Variants in ARHGEF15 observed in about 807,000 individuals in gnomAD.
ARHGEF15 encodes the protein Rho guanine nucleotide exchange factor (GEF) 15.
Under a neutral mutation model 79.7 loss-of-function variants are expected in ARHGEF15, and 58 were observed. The observed-to-expected ratio is 0.73, with a 90% confidence interval of 0.59 to 0.91. The LOEUF is 0.91. ARHGEF15 is among the 40% of genes least tolerant of loss of function. ARHGEF15 has a pLI of 0.00. For synonymous variants in ARHGEF15, 442 were observed against 456.0 expected, an observed-to-expected ratio of 0.97 and a Z score of 0.39; for missense variants, 1,012 against 1,108.1, an observed-to-expected ratio of 0.91 and a Z score of 1.23.
At position 8,315,304 on chromosome 17, in the gene ARHGEF15, G is replaced by C. The variant is rs1360091690; in HGVS notation, c.1260+27G>C. 5 of 1,611,090 alleles carry C rather than the reference G, an allele frequency of 3.1e-6. No homozygotes were observed. Among genetic ancestry groups the C allele is most frequent in the Non-Finnish European group, 4.2e-6 (5 of 1,178,822 alleles). On this transcript the variant is annotated intron_variant, in intron 6 of 15. Transcript: ENST00000361926. The surrounding 1 kb of genome is among the most constrained non-coding windows in gnomAD (Gnocchi z 4.3). ...TGGGAGCTGGAGGTGGGAGATGGGA[G>C]GGGGGTGCTGGGGTTGGGCTGCATG...
chr17:8,312,815 T>C, intron 2 of ARHGEF15, 107 bp from the exon 3 acceptor site: 1 of 1,555,302 alleles, frequency 6.4e-7, no homozygotes, highest in Non-Finnish European at 8.8e-7. Context: ...TATAGATGCC[T>C]GGACCTTGAT....
rs1905356859 is a variant in ARHGEF15 at position 8,321,018 on chromosome 17, T to A, written c.*25T>A. ...ATGCAGGCTGAGGAGGGGGCACATG[T>A]TGGGAGACACCTACCAGTGTGGCAC... is the stretch of plus-strand genomic sequence containing the variant. On this transcript the variant is annotated 3_prime_UTR_variant, in exon 16 of 16. Coordinates refer to ENST00000361926, the MANE Select transcript of ARHGEF15 (RefSeq NM_173728.4). 1.9e-6 allele frequency: 3 copies of A among 1,613,574 alleles called. No individual in the cohort carries two copies. Among genetic ancestry groups the A allele is most frequent in the Non-Finnish European group, 2.5e-6 (3 of 1,179,718 alleles).
In ARHGEF15 at chr17:8,313,267, G is replaced by A; in HGVS notation, c.934+13G>A. On this transcript the variant is annotated intron_variant, in intron 3 of 15. Transcript: ENST00000361926. Reference sequence around the variant, plus strand: ...GGAATCCAAACAGGTGCAGGGCCTGGGGGAGTGGACCTCTGGGCTGTGAGG... The same window carrying A: ...GGAATCCAAACAGGTGCAGGGCCTGAGGGAGTGGACCTCTGGGCTGTGAGG... 6.2e-7 allele frequency: 1 copy of A among 1,601,560 alleles called. No individual in the cohort carries two copies. The highest frequency in any genetic ancestry group is 8.5e-7 in the Non-Finnish European group (1 of 1,178,238).
Position 8,319,052 on chromosome 17 carries a change from C to T in ARHGEF15, c.2079C>T (p.Val693=). Residue 693 remains valine (V), a synonymous_variant, in exon 13 of 16, where the codon GTC becomes GTT. Transcript: ENST00000361926. ...QVLDYAHRSL[V]QAQQVPDPSG... is the part of the protein sequence containing the mutation. The stretch of plus-strand genomic sequence containing the variant: ...TGGACTATGCCCATCGCTCCCTGGT[C>T]CAGGCCCAGCAGGTTCCGGATCCAT... 6.2e-7 allele frequency: 1 copy of T among 1,614,018 alleles called. No homozygotes were observed.
At position 8,319,042 on chromosome 17, in the gene ARHGEF15, G is replaced by A. The variant is rs1337793938; in HGVS notation, c.2069G>A (p.Arg690His). ...QRLQVLDYAH[R>H]SLVQAQQVPD... ...TTACAGGTTCTGGACTATGCCCATC[G>A]CTCCCTGGTCCAGGCCCAGCAGGTT... Residue 690 changes from arginine (R) to histidine (H), a missense_variant, in exon 13 of 16, where the codon CGC becomes CAC. Arg to His is a conservative substitution (Grantham distance 29). Around this residue, in one of 3 missense-constraint regions of ARHGEF15, gnomAD observed 62 missense variants for 101.3 expected, o/e 0.61. Transcript: ENST00000361926. The A allele has an allele frequency of 5.0e-6, 8 of 1,613,830 alleles. No individual in the cohort carries two copies. Among genetic ancestry groups the A allele is most frequent in the African/African-American group, 1.3e-5 (1 of 74,998 alleles).
intron 9 of ARHGEF15, among the ~76,000 whole-genome samples, chr17:8,317,809 G>A (rs1373546130): frequency 1.3e-5 from 2 of 152,192 alleles, no homozygotes; most frequent in Non-Finnish European, 2.9e-5. Context: ...GCTCATGCCT[G>A]TAATCCCAGC....
At chr17:8,313,392 A>T in intron 3 of ARHGEF15, 109 bp from the exon 4 acceptor site, 3 of 1,503,116 alleles carry the variant, frequency 2.0e-6, no homozygotes, top group Non-Finnish European at 2.7e-6. Context: ...TCTGGTGCTG[A>T]AGAGAGTTGC....
Position 8,319,117 on chromosome 17 carries a change from A to G in ARHGEF15, c.2144A>G (p.His715Arg), listed in dbSNP as rs1325725132. 1 of 1,613,638 alleles carries G rather than the reference A, an allele frequency of 6.2e-7. No homozygotes were observed. The highest frequency in any genetic ancestry group is 1.1e-5 in the South Asian group (1 of 91,062). Reference sequence around the variant, plus strand: ...TTCCGCCTCTCCCTTCTCAGCAACCACCAGGGCCGCCCCACCCACCGACTA... The same window carrying G: ...TTCCGCCTCTCCCTTCTCAGCAACCGCCAGGGCCGCCCCACCCACCGACTA... ...PTFRLSLLSN[H>R]QGRPTHRLLQ... Residue 715 changes from histidine to arginine, a missense_variant, in exon 13 of 16, where the codon CAC becomes CGC. Physicochemically the swap from His to Arg is conservative, Grantham distance 29. Coordinates refer to ENST00000361926, the MANE Select transcript of ARHGEF15 (RefSeq NM_173728.4).
Position 8,315,733 on chromosome 17 carries a change from C to A in ARHGEF15, c.1422-22C>A. On this transcript the variant is annotated intron_variant, in intron 7 of 15. Transcript: ENST00000361926. This position sits in a 1 kb window ranked among gnomAD's most constrained non-coding sequence, Gnocchi z 4.3. ...CCTGGCTCTCTGCCCCGCCCCATTG[C>A]TTGCTTCCCCAATTCCTTCAGGTTT... 6.2e-7 allele frequency: 1 copy of A among 1,607,990 alleles called. No homozygotes were observed. Among genetic ancestry groups the A allele is most frequent in the Non-Finnish European group, 8.5e-7 (1 of 1,176,574 alleles).
rs1299083941 is a variant in ARHGEF15, at chr17:8,316,058, G to T, written c.1614G>T (p.Leu538=). ...NVRFSAELRR[L]QSLPKCERLP... ...GCTTCTCCGCCGAGCTGCGCCGGCTGCAGAGCCTCCCTAAGTGTGAGCGGC... is the reference window on the plus strand; with the variant it reads ...GCTTCTCCGCCGAGCTGCGCCGGCTTCAGAGCCTCCCTAAGTGTGAGCGGC... Residue 538 remains leucine (L), a synonymous_variant, in exon 9 of 16, where the codon CTG becomes CTT. Coordinates refer to ENST00000361926, the MANE Select transcript of ARHGEF15 (RefSeq NM_173728.4). The T allele has an allele frequency of 1.9e-6, 3 of 1,603,746 alleles. No individual in the cohort carries two copies. The highest frequency in any genetic ancestry group is 1.7e-6 in the Non-Finnish European group (2 of 1,179,620).
chr17:8,315,754 G>A lies in ARHGEF15; in HGVS notation c.1422-1G>A, dbSNP rs1390263314. ...ATTGCTTGCTTCCCCAATTCCTTCA[G>A]GTTTCTAGCAACGCTCCTGTCCCGT... On this transcript the variant is annotated splice_acceptor_variant, in intron 7 of 15. Transcript: ENST00000361926. LOFTEE classifies it high-confidence loss of function. The surrounding 1 kb of genome is among the most constrained non-coding windows in gnomAD (Gnocchi z 4.3). The A allele has an allele frequency of 2.5e-6, 4 of 1,611,070 alleles. No individual in the cohort carries two copies. Among genetic ancestry groups the A allele is most frequent in the Non-Finnish European group, 3.4e-6 (4 of 1,178,704 alleles).
At chr17:8,312,743 A>C (rs1420359855) in intron 2 of ARHGEF15, 103 bp downstream of exon 2, 7 of 1,597,160 alleles carry the variant, frequency 4.4e-6, no homozygotes, top group Non-Finnish European at 5.1e-6. Context: ...AAATGGAGTT[A>C]ATGTTTGGGA....
At chr17:8,311,773 C>G (rs1039495607) in intron 1 of ARHGEF15, among the ~76,000 whole-genome samples, 1 of 151,960 alleles carries the variant, frequency 6.6e-6, no homozygotes, top group Non-Finnish European at 1.5e-5. Flanking sequence ...ATGCCACCCC[C>G]TACACAAACC....
In ARHGEF15 at chr17:8,313,495, C is replaced by T. The variant is rs1367364660; in HGVS notation, c.935-6C>T. On this transcript the variant is annotated splice_polypyrimidine_tract_variant and splice_region_variant and intron_variant, in intron 3 of 15. Coordinates refer to ENST00000361926, the MANE Select transcript of ARHGEF15 (RefSeq NM_173728.4). ...TTTTTCTCTTCACTCTGGCTTCTCT[C>T]TCCAGGGGACAGTCCTGATGAAGCT... 1 of 1,612,422 alleles carries T rather than the reference C, an allele frequency of 6.2e-7. No homozygotes were observed. Among genetic ancestry groups the T allele is most frequent in the Non-Finnish European group, 8.5e-7 (1 of 1,179,626 alleles).
Position 8,315,501 on chromosome 17 carries a change from C to T in ARHGEF15, c.1348C>T (p.Arg450Trp). 1.2e-6 allele frequency: 2 copies of T among 1,613,038 alleles called. No homozygotes were observed. The highest frequency in any genetic ancestry group is 1.3e-5 in the African/African-American group (1 of 74,988). The change falls in exon 7 of 16, where the codon CGG becomes TGG. Residue 450 changes from arginine (R) to tryptophan (W), a missense_variant. Arg to Trp is a moderately radical substitution (Grantham distance 101). This residue lies in a region of ARHGEF15 where 818 missense variants were observed against 882.5 expected (regional missense o/e 0.93). Transcript: ENST00000361926. This position sits in a 1 kb window ranked among gnomAD's most constrained non-coding sequence, Gnocchi z 4.3. Reference protein sequence around the residue: ...TDTFVLSQALRDTLTPRDHHT... With the variant: ...TDTFVLSQALWDTLTPRDHHT... ...CACCTTCGTGCTGAGCCAGGCACTC[C>T]GGGACACGCTCACCCCCCGTGATCA...
chr17:8,321,172 A>G lies in ARHGEF15; in HGVS notation c.*179A>G. 1 of 793,148 alleles carries G rather than the reference A, an allele frequency of 1.3e-6. No homozygotes were observed. Among genetic ancestry groups the G allele is most frequent in the Non-Finnish European group, 2.0e-6 (1 of 511,120 alleles). The allele number at this position is 793,148 out of a possible 1,614,324, so 49.1% of individuals were successfully genotyped here. ...AACGGCCGCCTGAACCCACAGCAATAAGAATGAATGAGGATGCCTTGAATG... is the reference window on the plus strand; with the variant it reads ...AACGGCCGCCTGAACCCACAGCAATGAGAATGAATGAGGATGCCTTGAATG... On this transcript the variant is annotated 3_prime_UTR_variant, in exon 16 of 16. Transcript: ENST00000361926.
At position 8,312,465 on chromosome 17, in the gene ARHGEF15, C is replaced by T. The variant is rs771324452; in HGVS notation, c.426C>T (p.Gly142=). Residue 142 remains glycine (G), a synonymous_variant, in exon 2 of 16, where the codon GGC becomes GGT. Coordinates refer to ENST00000361926, the MANE Select transcript of ARHGEF15 (RefSeq NM_173728.4). ...LPMAGVLAQN[G]SASAPGTVRR... is the part of the protein sequence containing the mutation. ...TGGCTGGAGTCCTGGCTCAGAATGG[C>T]TCTGCCTCAGCTCCTGGCACTGTGC... The T allele has an allele frequency of 6.2e-7, 1 of 1,613,850 alleles. No homozygotes were observed. The highest frequency in any genetic ancestry group is 1.1e-5 in the South Asian group (1 of 91,062).
rs762424472 is a variant in ARHGEF15, at chr17:8,313,205, C to T, written c.885C>T (p.Asp295=). 10 of 1,607,214 alleles carry T rather than the reference C, an allele frequency of 6.2e-6. No individual in the cohort carries two copies. Among genetic ancestry groups the T allele is most frequent in the East Asian group, 4.5e-5 (2 of 44,880 alleles). ...RVRQDATIFG[D]PPQPDLDLLS... Reference sequence around the variant, plus strand: ...GGCAGGATGCCACCATTTTCGGGGACCCCCCACAGCCAGATCTTGATCTGC... The same window carrying T: ...GGCAGGATGCCACCATTTTCGGGGATCCCCCACAGCCAGATCTTGATCTGC... The change falls in exon 3 of 16, where the codon GAC becomes GAT. Residue 295 remains aspartate (D), a synonymous_variant. Transcript: ENST00000361926.
rs1296372394 is a variant in ARHGEF15 at position 8,310,343 on chromosome 17, G to A, written c.-50G>A. 6.6e-6 allele frequency: 1 copy of A among 152,338 alleles called. No individual in the cohort carries two copies. Among genetic ancestry groups the A allele is most frequent in the Non-Finnish European group, 1.5e-5 (1 of 68,086 alleles). 9.4% of individuals were successfully genotyped at this position (152,338 alleles called of 1,614,324 possible). The stretch of plus-strand genomic sequence containing the variant: ...TAGCAACTGGTTCCAAAAAGATAAA[G>A]GTAAATTCATGGGGACCTACTGCAG... On this transcript the variant is annotated splice_region_variant and 5_prime_UTR_variant, in exon 1 of 16. Coordinates refer to ENST00000361926, the MANE Select transcript of ARHGEF15 (RefSeq NM_173728.4).
Sources: allele counts gnomAD v4.1 joint callset (sites outside exome capture counted in the v4.1 genomes callset), GRCh38; gene constraint gnomAD v4.1.1; regional missense constraint gnomAD v4.1.1; non-coding constraint Gnocchi (gnomAD v3.1); transcripts MANE v1.5; gene names NCBI Gene and HGNC (gene_info 2026-07-23, HGNC 2026-07-21).